The following NRSN1 variants were observed in gnomAD, a reference collection of about 807,000 sequenced individuals.
NRSN1 encodes neurensin-1.
Under a neutral mutation model 17.3 loss-of-function variants are expected in NRSN1, and 14 were observed. The ratio of observed to expected loss-of-function variants is 0.81; its 90% CI spans 0.54 to 1.27. The LOEUF is 1.27. Among genes scored for constraint, NRSN1 ranks in the 50% most tolerant of loss-of-function variants. NRSN1 has a pLI of 0.00. For synonymous variants in NRSN1, 79 were observed against 94.2 expected, an observed-to-expected ratio of 0.84 and a Z score of 0.93; for missense variants, 209 against 235.9, an observed-to-expected ratio of 0.89 and a Z score of 0.75.
intron 3 of NRSN1, 124 bp downstream of exon 3, chr6:24,134,640 A>C: frequency 1.3e-6 from 1 of 755,304 alleles, no homozygotes; most frequent in South Asian, 1.9e-5. Context: ...GGTGATACTA[A>C]ATGCATTTTT....
intron 3 of NRSN1, chr6:24,140,969 C>T: frequency 3.6e-6 from 5 of 1,397,594 alleles, no homozygotes; most frequent in Non-Finnish European, 4.7e-6. Context: ...AGAGTGGAAT[C>T]GGAAGTTACA....
intron 3 of NRSN1, among the ~76,000 whole-genome samples, chr6:24,143,616 A>G (rs1760256572): frequency 6.6e-6 from 1 of 152,236 alleles, no homozygotes; most frequent in Non-Finnish European, 1.5e-5. Context: ...AAAGCAATTA[A>G]GAACAGAAGG....
chr6:24,128,777 T>C (rs1483977911), intron 2 of NRSN1: 1 of 152,148 alleles, frequency 6.6e-6, no homozygotes, highest in East Asian at 1.9e-4. Context: ...TCAGAATCAT[T>C]TTATGGGAGA....
rs1427472278 is a variant in NRSN1 at position 24,141,249 on chromosome 6, G to A, written c.190-4299G>A. On this transcript the variant is annotated intron_variant, in intron 3 of 3. Coordinates refer to ENST00000378491, the MANE Select transcript of NRSN1 (RefSeq NM_080723.5). ...TTTCTGTTAGACCTGGGACCAATTC[G>A]ACTTTGAACTGTGTCCAGAGATAAT... is the stretch of plus-strand genomic sequence containing the variant. 3.2e-6 allele frequency: 4 copies of A among 1,262,760 alleles called. No individual in the cohort carries two copies. In the African/African-American group the frequency reaches 4.6e-5, roughly 15 times the overall value. The allele number at this position is 1,262,760 out of a possible 1,614,324, so 78.2% of individuals were successfully genotyped here.
At chr6:24,144,581 T>A (rs1266657517) in intron 3 of NRSN1, among the ~76,000 whole-genome samples, 1 of 152,166 alleles carries the variant, frequency 6.6e-6, no homozygotes, top group Non-Finnish European at 1.5e-5. Context: ...TTAATATATC[T>A]TATGTATAGA....
chr6:24,134,322 G>A lies in NRSN1; in HGVS notation c.-6G>A. 1 of 1,613,294 alleles carries A rather than the reference G, an allele frequency of 6.2e-7. No individual in the cohort carries two copies. Among genetic ancestry groups the A allele is most frequent in the Non-Finnish European group, 8.5e-7 (1 of 1,179,612 alleles). On this transcript the variant is annotated 5_prime_UTR_variant, in exon 3 of 4. Transcript: ENST00000378491. Reference sequence around the variant, plus strand: ...CATGTGGATGTTGTCATTCCAGCTGGGAAGGATGAGTTCTTGCAGCAACGT... The same window carrying A: ...CATGTGGATGTTGTCATTCCAGCTGAGAAGGATGAGTTCTTGCAGCAACGT...
Position 24,145,905 on chromosome 6 carries a change from T to C in NRSN1, c.547T>C (p.Leu183=). 1 of 1,613,280 alleles carries C rather than the reference T, an allele frequency of 6.2e-7. No homozygotes were observed. The highest frequency in any genetic ancestry group is 8.5e-7 in the Non-Finnish European group (1 of 1,179,826). ...AGGGGAAACAAAGATTCCAGTCACT[T>C]TGTCCAGGGTTCAAAATGTCCAGCC... ...GPGETKIPVT[L]SRVQNVQPLL... Residue 183 remains leucine (L), a synonymous_variant, in exon 4 of 4, where the codon TTG becomes CTG. Coordinates refer to ENST00000378491, the MANE Select transcript of NRSN1 (RefSeq NM_080723.5). This position sits in a 1 kb window ranked among gnomAD's most constrained non-coding sequence, Gnocchi z 4.4.
At position 24,146,230 on chromosome 6, in the gene NRSN1, G is replaced by A. The variant is rs1453873603; in HGVS notation, c.*284G>A. 3.1e-6 allele frequency: 2 copies of A among 642,974 alleles called. No homozygotes were observed. The highest frequency in any genetic ancestry group is 4.2e-5 in the Admixed American group (2 of 47,814). The allele number at this position is 642,974 out of a possible 1,614,324, so 39.8% of individuals were successfully genotyped here. A position where few individuals can be genotyped will look rare whatever the true frequency, so the allele number is the denominator to read the frequency against. On this transcript the variant is annotated 3_prime_UTR_variant, in exon 4 of 4. Transcript: ENST00000378491. ...CTCCTCTTTCATAGATCGTGACTTT[G>A]TGTTATTTTCCGTGTTGTTTGAAAG... is the stretch of plus-strand genomic sequence containing the variant.
At chr6:24,139,954 A>G (rs1760176581) in intron 3 of NRSN1, among the ~76,000 whole-genome samples, 1 of 152,116 alleles carries the variant, frequency 6.6e-6, no homozygotes. Flanking sequence ...AATCCTGGGG[A>G]ATACTAATAA....
intron 2 of NRSN1, 68 bp from the exon 3 acceptor site, chr6:24,134,242 GTTCTTACCT>G: frequency 8.4e-7 from 1 of 1,195,436 alleles, no homozygotes. Flanking sequence ...ACTCAGTCTG[GTTCTTACCT>G]TTCATATGTC....
chr6:24,145,124 C>T lies in NRSN1; in HGVS notation c.190-424C>T, dbSNP rs540395839. 9.0e-4 allele frequency among the ~76,000 whole-genome samples: 126 copies of T among 140,248 alleles called. No individual in the cohort carries two copies. The highest frequency in any genetic ancestry group is 1.7e-3 in the Non-Finnish European group (114 of 65,482). 92.0% of individuals were successfully genotyped at this position (140,248 alleles called of 152,430 possible). A position where few individuals can be genotyped will look rare whatever the true frequency, so the allele number is the denominator to read the frequency against. On this transcript the variant is annotated intron_variant, in intron 3 of 3. Transcript: ENST00000378491. The surrounding 1 kb of genome is among the most constrained non-coding windows in gnomAD (Gnocchi z 4.4). ...TATCTTTAGATATATATATAATATA[C>T]ATATCTTTAGACATATAATATATAA...
At chr6:24,141,347 G>A in intron 3 of NRSN1, 2 of 938,764 alleles carry the variant, frequency 2.1e-6, no homozygotes, top group Non-Finnish European at 2.7e-6. Context: ...CCAAGACTAA[G>A]CTGATGAGTC....
chr6:24,129,877 C>T (rs1760002176), intron 2 of NRSN1, among the ~76,000 whole-genome samples: 1 of 152,212 alleles, frequency 6.6e-6, no homozygotes, highest in Admixed American at 6.5e-5. Flanking sequence ...GATAACCAAA[C>T]AATGACACAC....
At chr6:24,142,282 A>T (rs1760223151) in intron 3 of NRSN1, among the ~76,000 whole-genome samples, 1 of 130,342 alleles carries the variant, frequency 7.7e-6, no homozygotes, top group Non-Finnish European at 1.6e-5. Flanking sequence ...TTGTTCACAT[A>T]TGGTGGCTAA....
intron 3 of NRSN1, among the ~76,000 whole-genome samples, chr6:24,136,494 G>T (rs545956038): frequency 6.6e-6 from 1 of 151,794 alleles, no homozygotes; most frequent in Non-Finnish European, 1.5e-5. Flanking sequence ...GCCAAGCTTG[G>T]CACATCTTGT....
At position 24,145,555 on chromosome 6, in the gene NRSN1, T is replaced by C; in HGVS notation, c.197T>C (p.Leu66Pro). ...GTCATTATCTACCTGTAGGTTGGAC[T>C]CATCTCAGGTACAGTTTTTGTGATC... ...RWSSVFWKVG[L>P]ISGTVFVILG... Residue 66 changes from leucine (L) to proline (P), a missense_variant, in exon 4 of 4, where the codon CTC becomes CCC. By Grantham distance (98) the Leu-to-Pro change is moderately conservative (BLOSUM62 -3). Transcript: ENST00000378491. The surrounding 1 kb of genome is among the most constrained non-coding windows in gnomAD (Gnocchi z 4.4). The C allele has an allele frequency of 6.3e-7, 1 of 1,584,578 alleles. No individual in the cohort carries two copies. The highest frequency in any genetic ancestry group is 1.2e-5 in the South Asian group (1 of 85,846).
intron 2 of NRSN1, among the ~76,000 whole-genome samples, chr6:24,130,387 A>G (rs920166179): frequency 1.1e-4 from 16 of 152,208 alleles, no homozygotes; most frequent in Non-Finnish European, 1.9e-4. Context: ...CAATCAAATA[A>G]GATTCCAAAT....
chr6:24,131,998 T>G (rs1760040691), intron 2 of NRSN1, among the ~76,000 whole-genome samples: 2 of 152,158 alleles, frequency 1.3e-5, no homozygotes, highest in South Asian at 4.1e-4. Context: ...CTGCACTCTT[T>G]CCCTGGGTGA....
rs573418813 is a variant in NRSN1, at chr6:24,126,254, C to T, written c.-169C>T. On this transcript the variant is annotated 5_prime_UTR_variant, in exon 1 of 4. Coordinates refer to ENST00000378491, the MANE Select transcript of NRSN1 (RefSeq NM_080723.5). ...GGCTGAGCTCTACGAGGCGGAGCGG[C>T]GGCGGTGGCGACGGCGATGGGACCC... is the stretch of plus-strand genomic sequence containing the variant. The T allele has an allele frequency of 1.4e-3, 248 of 178,478 alleles. 4 individuals are homozygous for T. Among genetic ancestry groups the T allele is most frequent in the South Asian group, 4.2e-3 (26 of 6,118 alleles). 11.1% of individuals were successfully genotyped at this position (178,478 alleles called of 1,614,324 possible).
Sources: allele counts gnomAD v4.1 joint callset (sites outside exome capture counted in the v4.1 genomes callset), GRCh38; gene constraint gnomAD v4.1.1; non-coding constraint Gnocchi (gnomAD v3.1); transcripts MANE v1.5; gene names NCBI Gene and HGNC (gene_info 2026-07-23, HGNC 2026-07-21).